Variants in SCMH1 observed in about 807,000 individuals in gnomAD.
SCMH1 encodes polycomb protein SCMH1.
SCMH1 carries 37 observed loss-of-function variants against 70.8 expected under a neutral mutation model. The observed-to-expected ratio is 0.52, with a 90% CI of 0.40 to 0.69. The LOEUF (loss-of-function observed/expected upper bound fraction) is 0.69. SCMH1 is among the 30% of genes least tolerant of loss of function. The probability of loss-of-function intolerance (pLI) is 0.00; values close to 1 mark genes in which losing one functional copy is unlikely to be tolerated. For synonymous variants in SCMH1, 292 were observed against 307.4 expected, an observed-to-expected ratio of 0.95 and a Z score of 0.52; for missense variants, 607 against 827.3, an observed-to-expected ratio of 0.73 and a Z score of 3.27.
chr1:41,031,025 C>T (rs932718783), intron 13 of SCMH1, among the ~76,000 whole-genome samples: 2 of 152,134 alleles, frequency 1.3e-5, no homozygotes, highest in Non-Finnish European at 2.9e-5. Context: ...CAGTGGCTCA[C>T]GCTGTAATCC....
At chr1:41,080,440 G>A (rs929625034) in intron 8 of SCMH1, among the ~76,000 whole-genome samples, 9 of 151,852 alleles carry the variant, frequency 5.9e-5, no homozygotes, top group African/African-American at 2.2e-4. Flanking sequence ...AAAAACTATA[G>A]ACTAATATCC....
intron 8 of SCMH1, among the ~76,000 whole-genome samples, chr1:41,097,589 C>A (rs1665445877): frequency 6.6e-6 from 1 of 152,200 alleles, no homozygotes; most frequent in African/African-American, 2.4e-5. Context: ...CTGCCTCAGT[C>A]TCCCAAGTAG....
intron 13 of SCMH1, among the ~76,000 whole-genome samples, chr1:41,033,285 T>TAA (rs200082441): frequency 5.0e-5 from 7 of 139,226 alleles, no homozygotes; most frequent in Non-Finnish European, 1.1e-4. Flanking sequence ...GAGACACTAT[T>TAA]AAAAAAAAAA....
chr1:41,119,236 A>G (rs923763948), intron 6 of SCMH1, among the ~76,000 whole-genome samples: 8 of 152,156 alleles, frequency 5.3e-5, no homozygotes, highest in African/African-American at 1.7e-4. Flanking sequence ...TGACAAGGAA[A>G]TGCAAATAAA....
chr1:41,224,169 G>A (rs147404344), intron 1 of SCMH1, among the ~76,000 whole-genome samples: 1 of 152,216 alleles, frequency 6.6e-6, no homozygotes, highest in African/African-American at 2.4e-5. Context: ...GCATAGAATA[G>A]AAGCTTTCCT....
At chr1:41,142,772 A>G in intron 6 of SCMH1, 106 bp downstream of exon 6, 1 of 922,994 alleles carries the variant, frequency 1.1e-6, no homozygotes, top group South Asian at 1.7e-5. Flanking sequence ...TATATGAAAA[A>G]TAAGGGATAA....
intron 4 of SCMH1, chr1:41,152,499 A>C (rs1645155194): frequency 7.8e-7 from 1 of 1,276,748 alleles, no homozygotes; most frequent in Non-Finnish European, 1.1e-6. Flanking sequence ...AAAACATCTT[A>C]AGGCAGGAAC....
At chr1:41,067,581 A>G (rs1024302618) in intron 10 of SCMH1, among the ~76,000 whole-genome samples, 3 of 152,102 alleles carry the variant, frequency 2.0e-5, no homozygotes, top group African/African-American at 7.2e-5. Context: ...GATTTCAACT[A>G]TGTGACATTC....
At chr1:41,196,644 T>A (rs1653087335) in intron 1 of SCMH1, among the ~76,000 whole-genome samples, 1 of 152,106 alleles carries the variant, frequency 6.6e-6, no homozygotes, top group Non-Finnish European at 1.5e-5. Context: ...GATTTGGCAA[T>A]GACTATAGGA....
chr1:41,218,533 G>C (rs1339015348), intron 1 of SCMH1, among the ~76,000 whole-genome samples: 1 of 152,152 alleles, frequency 6.6e-6, no homozygotes, highest in Non-Finnish European at 1.5e-5. Context: ...GAGTCTCTGA[G>C]GGAGCATGGC....
chr1:41,169,018 G>A (rs1332598173), intron 2 of SCMH1, among the ~76,000 whole-genome samples: 1 of 152,150 alleles, frequency 6.6e-6, no homozygotes, highest in Non-Finnish European at 1.5e-5. Context: ...CTAAGCTAAG[G>A]AGAAGATCTG....
At chr1:41,138,199 CT>C (rs778333727) in intron 6 of SCMH1, among the ~76,000 whole-genome samples, 4 of 150,862 alleles carry the variant, frequency 2.7e-5, no homozygotes, top group South Asian at 2.1e-4. Flanking sequence ...AAAGACTTGG[CT>C]TTTTTTTTGC....
intron 5 of SCMH1, among the ~76,000 whole-genome samples, chr1:41,146,127 G>A (rs1300194925): frequency 2.0e-5 from 3 of 151,844 alleles, no homozygotes; most frequent in African/African-American, 2.4e-5. Context: ...AGGCTCAGAA[G>A]TAGAAATGGA....
chr1:41,240,001 TC>T (rs1663188548), intron 1 of SCMH1, among the ~76,000 whole-genome samples: 1 of 152,196 alleles, frequency 6.6e-6, no homozygotes, highest in Non-Finnish European at 1.5e-5. Flanking sequence ...CCTCTACCTT[TC>T]ACTCCAAGTC....
At chr1:41,140,385 C>T (rs577868686) in intron 6 of SCMH1, among the ~76,000 whole-genome samples, 3 of 151,866 alleles carry the variant, frequency 2.0e-5, no homozygotes, top group East Asian at 1.9e-4. Flanking sequence ...CTTCGCCTCC[C>T]GGGTTCAACT....
chr1:41,129,208 T>C (rs1465322144), intron 6 of SCMH1, among the ~76,000 whole-genome samples: 2 of 152,166 alleles, frequency 1.3e-5, no homozygotes, highest in Non-Finnish European at 2.9e-5. Flanking sequence ...GTAAAATATA[T>C]ATCAAATTTA....
At chr1:41,076,454 G>GTTATACA (rs1372989156) in intron 8 of SCMH1, among the ~76,000 whole-genome samples, 3 of 152,108 alleles carry the variant, frequency 2.0e-5, no homozygotes, top group African/African-American at 7.2e-5. Context: ...ACTGTACTAA[G>GTTATACA]CTCTGGGGAT....
chr1:41,207,366 T>TG (rs1655804125), intron 1 of SCMH1, among the ~76,000 whole-genome samples: 2 of 151,068 alleles, frequency 1.3e-5, no homozygotes, highest in African/African-American at 4.9e-5. Context: ...AAATGGAAAG[T>TG]GAAAAAAAAG....
chr1:41,138,042 C>G (rs1389313282), intron 6 of SCMH1, among the ~76,000 whole-genome samples: 1 of 152,172 alleles, frequency 6.6e-6, no homozygotes, highest in Admixed American at 6.6e-5. Flanking sequence ...TTGATCATCT[C>G]TTGCTTTGAT....
Sources: allele counts gnomAD v4.1 joint callset (sites outside exome capture counted in the v4.1 genomes callset), GRCh38; gene constraint gnomAD v4.1.1; transcripts MANE v1.5; gene names NCBI Gene and HGNC (gene_info 2026-07-23, HGNC 2026-07-21).